Variants in TBCE observed in about 807,000 individuals in gnomAD.
The protein encoded by TBCE is tubulin-specific chaperone E.
TBCE carries 53 observed loss-of-function variants against 77.0 expected under a neutral mutation model. The observed-to-expected ratio is 0.69, with a 90% CI of 0.55 to 0.87. The LOEUF (loss-of-function observed/expected upper bound fraction) is 0.87, where lower values mean the gene tolerates loss of function less well. Among genes scored for constraint, TBCE ranks in the 40% least tolerant of loss-of-function variants. The pLI is 0.00. For missense variants in TBCE, 624 were observed against 622.4 expected, an observed-to-expected ratio of 1.00 and a Z score of -0.03; for synonymous variants, 235 against 241.3, an observed-to-expected ratio of 0.97 and a Z score of 0.24.
intron 2 of TBCE, among the ~76,000 whole-genome samples, chr1:235,397,114 A>G (rs995327785): frequency 1.3e-5 from 2 of 151,810 alleles, no homozygotes; most frequent in East Asian, 1.9e-4. Flanking sequence ...AGCTGGGACT[A>G]CAGGGGTGCG....
chr1:235,391,716 C>T (rs1217798386), intron 2 of TBCE, among the ~76,000 whole-genome samples: 2 of 146,562 alleles, frequency 1.4e-5, no homozygotes, highest in Admixed American at 7.0e-5. Flanking sequence ...AAGCGGTTCT[C>T]CTCCCTCAGC....
At chr1:235,448,073 G>A (rs975348783) in intron 15 of TBCE, among the ~76,000 whole-genome samples, 1 of 152,078 alleles carries the variant, frequency 6.6e-6, no homozygotes, top group Non-Finnish European at 1.5e-5. Context: ...GCTGGGTGTG[G>A]TGATGGGCAC....
chr1:235,368,014 T>C (rs922969129), intron 1 of TBCE, among the ~76,000 whole-genome samples: 1 of 152,202 alleles, frequency 6.6e-6, no homozygotes, highest in Non-Finnish European at 1.5e-5. Flanking sequence ...CAAGCGATTC[T>C]GCTGCCTCAG....
intron 1 of TBCE, among the ~76,000 whole-genome samples, chr1:235,377,220 G>A (rs868803984): frequency 2.6e-5 from 4 of 152,026 alleles, no homozygotes; most frequent in South Asian, 2.1e-4. Flanking sequence ...TTGCTCTGTC[G>A]CCAGGCTGGA....
intron 1 of TBCE, among the ~76,000 whole-genome samples, chr1:235,379,655 C>A (rs1677502175): frequency 6.6e-6 from 1 of 151,872 alleles, no homozygotes; most frequent in African/African-American, 2.4e-5. Context: ...CAAACTTGAA[C>A]CTTCTCTTAT....
rs549800930 is a variant in TBCE, at chr1:235,416,554, C to A, written c.371+1936C>A. On this transcript the variant is annotated intron_variant, in intron 4 of 16. Coordinates refer to ENST00000642610, the MANE Select transcript of TBCE (RefSeq NM_003193.5). ...TGACACACAAACCAAAAAAAAAAAA[C>A]CCCAAATATTTACATATCTCTTACC... Among the ~76,000 whole-genome samples, 155 of 151,210 alleles carry A rather than the reference C, an allele frequency of 1.0e-3. 3 individuals carry two copies. Among genetic ancestry groups the A allele is most frequent in the Admixed American group, 3.0e-3 (45 of 15,164 alleles).
intron 2 of TBCE, among the ~76,000 whole-genome samples, chr1:235,397,493 G>A (rs749900330): frequency 6.6e-6 from 1 of 152,172 alleles, no homozygotes; most frequent in African/African-American, 2.4e-5. Context: ...GATTACAGGC[G>A]TAAGCCACCG....
chr1:235,391,910 C>T (rs1452768991), intron 2 of TBCE, among the ~76,000 whole-genome samples: 3 of 151,888 alleles, frequency 2.0e-5, no homozygotes, highest in Non-Finnish European at 4.4e-5. Flanking sequence ...CTCGGCCCAT[C>T]TCTTATTTTT....
At chr1:235,436,490 C>T in intron 10 of TBCE, 40 bp downstream of exon 10, 1 of 1,610,656 alleles carries the variant, frequency 6.2e-7, no homozygotes, top group Non-Finnish European at 8.5e-7. Context: ...CCCCCCCACA[C>T]TATACTTCAG....
Position 235,419,321 on chromosome 1 carries a change from A to T in TBCE, c.372-152A>T. ...TTGTAGTGCTCTTTTTCTTTTTTGT[A>T]ATGCTTTATTTCTTAATTTGGGTGG... is the stretch of plus-strand genomic sequence containing the variant. On this transcript the variant is annotated intron_variant, in intron 4 of 16. Coordinates refer to ENST00000642610, the MANE Select transcript of TBCE (RefSeq NM_003193.5). 3.5e-6 allele frequency: 4 copies of T among 1,138,854 alleles called. No individual in the cohort carries two copies. In the Admixed American group the frequency reaches 9.0e-5, roughly 26 times the overall value. The allele number at this position is 1,138,854 out of a possible 1,614,324, so 70.5% of individuals were successfully genotyped here. A position where few individuals can be genotyped will look rare whatever the true frequency, so the allele number is the denominator to read the frequency against.
chr1:235,400,632 C>T (rs1679043427), intron 2 of TBCE, among the ~76,000 whole-genome samples: 1 of 151,692 alleles, frequency 6.6e-6, no homozygotes, highest in South Asian at 2.1e-4. Context: ...GAACTCCTGA[C>T]CTCGTGATCC....
At chr1:235,438,640 C>A in intron 12 of TBCE, 129 bp from the exon 13 acceptor site, 1 of 1,077,802 alleles carries the variant, frequency 9.3e-7, no homozygotes, top group Non-Finnish European at 1.4e-6. Flanking sequence ...AGGGTGAAAA[C>A]TAGATCTTGT....
At chr1:235,433,014 T>G in intron 7 of TBCE, 1 of 1,527,526 alleles carries the variant, frequency 6.5e-7, no homozygotes, top group Non-Finnish European at 8.7e-7. Flanking sequence ...AGTTCGTGGA[T>G]CTGTGCGTGC....
intron 2 of TBCE, among the ~76,000 whole-genome samples, chr1:235,381,370 T>C (rs1392740564): frequency 6.6e-6 from 1 of 152,008 alleles, no homozygotes; most frequent in Non-Finnish European, 1.5e-5. Context: ...CAAGTTTTAC[T>C]AAAGACAAGT....
intron 2 of TBCE, among the ~76,000 whole-genome samples, chr1:235,387,279 G>A (rs1678071473): frequency 6.6e-6 from 1 of 152,196 alleles, no homozygotes; most frequent in African/African-American, 2.4e-5. Flanking sequence ...CAGTCTGCCT[G>A]TTCTCAGATC....
intron 15 of TBCE, among the ~76,000 whole-genome samples, chr1:235,444,715 T>C (rs1248667650): frequency 6.6e-6 from 1 of 152,252 alleles, no homozygotes; most frequent in Non-Finnish European, 1.5e-5. Context: ...GGCCAGGACT[T>C]TCTGTGAATG....
rs892063411 is a variant in TBCE, at chr1:235,451,749, T to C, written c.*2987T>C. The C allele has an allele frequency of 6.6e-6, 1 of 152,202 alleles. No individual in the cohort carries two copies. 9.4% of individuals were successfully genotyped at this position (152,202 alleles called of 1,614,324 possible). A position where few individuals can be genotyped will look rare whatever the true frequency, so the allele number is the denominator to read the frequency against. ...GCTTCTAACTGACAGACACTGCATG[T>C]GCCTTCTGTCCCCTGCACCTTCGAT... On this transcript the variant is annotated 3_prime_UTR_variant, in exon 17 of 17. Transcript: ENST00000642610.
At chr1:235,419,000 A>G (rs1000682446) in intron 4 of TBCE, 2 of 218,148 alleles carry the variant, frequency 9.2e-6, no homozygotes, top group Non-Finnish European at 1.9e-5. Context: ...TGAGGTCAGG[A>G]GTTCGAGACC....
At position 235,434,208 on chromosome 1, in the gene TBCE, TGCGGTGTGTC is replaced by T. The variant is rs1214326516; in HGVS notation, c.670_679del (p.Cys224GlyfsTer31). The T allele has an allele frequency of 6.2e-7, 1 of 1,614,170 alleles. No individual in the cohort carries two copies. On this transcript the variant is annotated frameshift_variant, in exon 8 of 17. Coordinates refer to ENST00000642610, the MANE Select transcript of TBCE (RefSeq NM_003193.5). LOFTEE classifies it high-confidence loss of function. The stretch of plus-strand genomic sequence containing the variant: ...TGAACCGAGTTTCTCTTCCAGGTGC[TGCGGTGTGTC>T]GCGGGGTGCCCAGGCCTGGAGGAAC...
Sources: gnomAD v4.1 joint callset for allele counts (sites outside exome capture counted in the v4.1 genomes callset) on GRCh38, gnomAD v4.1.1 for gene constraint, MANE v1.5 for transcripts, NCBI Gene and HGNC (gene_info 2026-07-23, HGNC 2026-07-21) for gene names.